SGCD: variants seen among roughly 807,000 people sequenced by gnomAD.
The protein encoded by SGCD is sarcoglycan delta.
SGCD carries 18 observed loss-of-function variants against 36.6 expected under a neutral mutation model. The ratio of observed to expected loss-of-function variants is 0.49; its 90% CI spans 0.34 to 0.73. The LOEUF (loss-of-function observed/expected upper bound fraction) is 0.73. Ranked by LOEUF, SGCD falls within the 30% of genes least tolerant of loss-of-function variation. The probability of loss-of-function intolerance (pLI) is 0.01; values close to 1 mark genes in which losing one functional copy is unlikely to be tolerated. For synonymous variants in SGCD, 133 were observed against 130.6 expected, an observed-to-expected ratio of 1.02 and a Z score of -0.12; for missense variants, 387 against 346.7, an observed-to-expected ratio of 1.12 and a Z score of -0.92.
chr5:155,737,194 C>T, the SGCD span, among the ~76,000 whole-genome samples: 5 of 152,170 alleles, frequency 3.3e-5, no homozygotes, highest in Non-Finnish European at 7.3e-5. Flanking sequence ...AGAATATCTT[C>T]TTCTATGGCT....
At chr5:156,059,648 AC>A (rs1290325078) in intron 1 of SGCD, among the ~76,000 whole-genome samples, 1 of 146,304 alleles carries the variant, frequency 6.8e-6, no homozygotes, top group East Asian at 1.9e-4. Flanking sequence ...CTTAGCTGCT[AC>A]CTGGCTTTGC....
At chr5:155,964,058 A>G (rs1757848771) in intron 1 of SGCD, among the ~76,000 whole-genome samples, 1 of 152,138 alleles carries the variant, frequency 6.6e-6, no homozygotes, top group African/African-American at 2.4e-5. Flanking sequence ...TGCTATAGCT[A>G]GAAAACATAT....
At chr5:155,961,487 C>A (rs902892895) in intron 1 of SGCD, among the ~76,000 whole-genome samples, 7 of 152,046 alleles carry the variant, frequency 4.6e-5, no homozygotes, top group African/African-American at 1.7e-4. Context: ...CAGTTGCTCC[C>A]TTTGGCATTT....
chr5:155,928,335 A>T (rs974448417), intron 1 of SGCD, among the ~76,000 whole-genome samples: 1 of 152,218 alleles, frequency 6.6e-6, no homozygotes, highest in Non-Finnish European at 1.5e-5. Flanking sequence ...ATCTTCATTT[A>T]TAGCAAAATA....
In SGCD at chr5:156,673,849, A is replaced by G. The variant is rs111636070; in HGVS notation, c.575+26313A>G. On this transcript the variant is annotated intron_variant, in intron 7 of 8. Coordinates refer to ENST00000337851, the MANE Select transcript of SGCD (RefSeq NM_000337.6). ...TCTTCAGATAGATTTTTGCCATGAC[A>G]TGTGAGGAACAGAGTTTAGAAGCTA... Among the ~76,000 whole-genome samples, 527 of 152,314 alleles carry G rather than the reference A, an allele frequency of 3.5e-3. 5 individuals carry two copies. The highest frequency in any genetic ancestry group is 0.012 in the African/African-American group (494 of 41,566).
chr5:155,993,133 C>G (rs1478902418), intron 1 of SGCD, among the ~76,000 whole-genome samples: 1 of 152,080 alleles, frequency 6.6e-6, no homozygotes, highest in Non-Finnish European at 1.5e-5. Flanking sequence ...TTGGAAACCA[C>G]AATAAAGGCT....
intron 1 of SGCD, among the ~76,000 whole-genome samples, chr5:156,108,650 T>C (rs950242902): frequency 1.6e-4 from 24 of 152,180 alleles, no homozygotes; most frequent in African/African-American, 5.8e-4. Context: ...AGTTAAAGCA[T>C]TGATATTATT....
intron 1 of SGCD, among the ~76,000 whole-genome samples, chr5:156,091,630 G>A (rs1761247135): frequency 6.6e-6 from 1 of 152,224 alleles, no homozygotes; most frequent in African/African-American, 2.4e-5. Flanking sequence ...TTTCCAAACA[G>A]TCATGCTATC....
At chr5:156,013,366 G>T (rs1758901882) in intron 1 of SGCD, among the ~76,000 whole-genome samples, 2 of 152,172 alleles carry the variant, frequency 1.3e-5, no homozygotes, top group South Asian at 4.1e-4. Context: ...CAGGTTTGAT[G>T]AAAGTAGAAC....
At chr5:156,606,573 A>G (rs750431919) in intron 6 of SGCD, among the ~76,000 whole-genome samples, 1 of 152,122 alleles carries the variant, frequency 6.6e-6, no homozygotes, top group Non-Finnish European at 1.5e-5. Flanking sequence ...TTTTTTTCCA[A>G]TTCTGTGAAG....
chr5:155,996,868 GATAGATAGATAGATAGATAGATA>G (rs1758559669), intron 1 of SGCD, among the ~76,000 whole-genome samples: 1 of 107,760 alleles, frequency 9.3e-6, no homozygotes, highest in Non-Finnish European at 1.9e-5. Context: ...TGGATGGATA[GATAGATAGATAGATAGATAGATA>G]GATAGATAGA....
At chr5:156,250,474 C>A (rs1445281481) in intron 3 of SGCD, among the ~76,000 whole-genome samples, 1 of 152,068 alleles carries the variant, frequency 6.6e-6, no homozygotes, top group Non-Finnish European at 1.5e-5. Flanking sequence ...GAAAGAAAAT[C>A]CTGGACTGGG....
At chr5:155,993,337 C>CTTTTTTT (rs34221751) in intron 1 of SGCD, among the ~76,000 whole-genome samples, 12 of 114,520 alleles carry the variant, frequency 1.0e-4, no homozygotes, top group African/African-American at 3.8e-4. Flanking sequence ...ATCTGGGGTC[C>CTTTTTTT]TTTTTTTTTT....
intron 4 of SGCD, among the ~76,000 whole-genome samples, chr5:156,573,015 T>C (rs115498181): frequency 0.017 from 2,605 of 152,316 alleles, 37 homozygotes; most frequent in Non-Finnish European, 0.028. Flanking sequence ...CCTGTATTTT[T>C]CAATGCTTCT....
intron 1 of SGCD, among the ~76,000 whole-genome samples, chr5:155,992,208 T>C (rs1758445389): frequency 6.6e-6 from 1 of 152,220 alleles, no homozygotes; most frequent in African/African-American, 2.4e-5. Flanking sequence ...TATAGACCTC[T>C]TGAAACCTTG....
intron 6 of SGCD, among the ~76,000 whole-genome samples, chr5:156,596,854 T>C (rs1031915649): frequency 6.6e-5 from 10 of 152,132 alleles, no homozygotes; most frequent in African/African-American, 2.4e-4. Context: ...TGTGCATATA[T>C]ATTCCATCAC....
chr5:155,746,329 A>AG, the SGCD span, among the ~76,000 whole-genome samples: 1 of 152,130 alleles, frequency 6.6e-6, no homozygotes, highest in Non-Finnish European at 1.5e-5. Context: ...AGGTTTATTA[A>AG]GGAAATAAGA....
chr5:156,192,125 G>T (rs901724376), intron 3 of SGCD, among the ~76,000 whole-genome samples: 2 of 152,076 alleles, frequency 1.3e-5, no homozygotes, highest in Non-Finnish European at 2.9e-5. Context: ...AGGAGACATC[G>T]TGACGGTCTA....
chr5:155,923,277 G>A (rs1204318498), intron 1 of SGCD, among the ~76,000 whole-genome samples: 2 of 152,160 alleles, frequency 1.3e-5, no homozygotes, highest in Non-Finnish European at 2.9e-5. Context: ...GACATATATT[G>A]GGGGTATATG....
Sources: allele counts gnomAD v4.1 joint callset (sites outside exome capture counted in the v4.1 genomes callset), GRCh38; gene constraint gnomAD v4.1.1; transcripts MANE v1.5; gene names NCBI Gene and HGNC (gene_info 2026-07-23, HGNC 2026-07-21).